Variants in COL23A1 observed in about 807,000 individuals in gnomAD.
COL23A1 encodes collagen type XXIII alpha 1 chain, also known as collagen alpha-1(XXIII) chain.
A neutral mutation model predicts 99.3 loss-of-function variants in COL23A1; 97 were observed. The observed-to-expected ratio is 0.98, with a 90% confidence interval of 0.83 to 1.16. The LOEUF (loss-of-function observed/expected upper bound fraction) is 1.16, where lower values mean the gene tolerates loss of function less well. Ranked by LOEUF, COL23A1 falls within the 50% of genes most tolerant of loss-of-function variation. COL23A1 has a pLI of 0.00. For synonymous variants in COL23A1, 320 were observed against 308.2 expected, an observed-to-expected ratio of 1.04 and a Z score of -0.40; for missense variants, 762 against 757.4, an observed-to-expected ratio of 1.01 and a Z score of -0.07.
intron 2 of COL23A1, among the ~76,000 whole-genome samples, chr5:178,315,762 C>CTTTTT (rs34604670): frequency 1.0e-5 from 1 of 96,730 alleles, no homozygotes; most frequent in Non-Finnish European, 2.0e-5. Flanking sequence ...GAAGCACTGA[C>CTTTTT]TTTTTTTTTT....
At chr5:178,474,598 G>A (rs1439502026) in intron 2 of COL23A1, among the ~76,000 whole-genome samples, 2 of 152,098 alleles carry the variant, frequency 1.3e-5, no homozygotes, top group African/African-American at 4.8e-5. Flanking sequence ...AACTGTAGAG[G>A]AACATGGCAT....
At chr5:178,371,140 TAGAC>T (rs1259284677) in intron 2 of COL23A1, among the ~76,000 whole-genome samples, 1 of 152,228 alleles carries the variant, frequency 6.6e-6, no homozygotes, top group African/African-American at 2.4e-5. Context: ...GCACACCATA[TAGAC>T]AATGTTTGTC....
chr5:178,399,359 A>C (rs1380199830), intron 2 of COL23A1, among the ~76,000 whole-genome samples: 1 of 152,204 alleles, frequency 6.6e-6, no homozygotes, highest in Non-Finnish European at 1.5e-5. Flanking sequence ...GAGACGGAGG[A>C]TCCTGCCAGC....
intron 3 of COL23A1, among the ~76,000 whole-genome samples, chr5:178,302,617 T>G (rs529785083): frequency 9.8e-5 from 15 of 152,350 alleles, no homozygotes; most frequent in African/African-American, 3.1e-4. Context: ...TTAATGGACA[T>G]GTACATAGCT....
At position 178,365,844 on chromosome 5, in the gene COL23A1, C is replaced by T. The variant is rs1198025262; in HGVS notation, c.362-58925G>A. ...GCGCTGGGCACTGGCTTGTGATGGT[C>T]TCCTGGCCACATGGGGAGCTCCTCG... On this transcript the variant is annotated intron_variant, in intron 2 of 28. Coordinates refer to ENST00000390654, the MANE Select transcript of COL23A1 (RefSeq NM_173465.4). The surrounding 1 kb of genome is among the most constrained non-coding windows in gnomAD (Gnocchi z 5.2). Among the ~76,000 whole-genome samples the T allele has an allele frequency of 6.6e-6, 1 of 152,164 alleles. No individual in the cohort carries two copies. Among genetic ancestry groups the T allele is most frequent in the Non-Finnish European group, 1.5e-5 (1 of 68,030 alleles).
At chr5:178,269,028 C>T (rs1756070725) in intron 6 of COL23A1, among the ~76,000 whole-genome samples, 1 of 152,152 alleles carries the variant, frequency 6.6e-6, no homozygotes, top group African/African-American at 2.4e-5. Context: ...GGGGCACATG[C>T]ACTGGCCACT....
intron 2 of COL23A1, among the ~76,000 whole-genome samples, chr5:178,516,474 G>A (rs555715082): frequency 2.3e-4 from 35 of 152,264 alleles, no homozygotes; most frequent in African/African-American, 7.2e-4. Flanking sequence ...TCTGAGCACC[G>A]GTGTGCCTCC....
At chr5:178,284,319 T>C (rs1419394471) in intron 5 of COL23A1, among the ~76,000 whole-genome samples, 5 of 152,252 alleles carry the variant, frequency 3.3e-5, no homozygotes, top group Non-Finnish European at 1.5e-5. Context: ...CTCTGACTAG[T>C]TCTAATTAAA....
At chr5:178,357,695 C>G (rs1761738132) in intron 2 of COL23A1, among the ~76,000 whole-genome samples, 1 of 151,778 alleles carries the variant, frequency 6.6e-6, no homozygotes, top group South Asian at 2.1e-4. Context: ...TGCTTAATGT[C>G]AGGTCAGATT....
At chr5:178,466,881 G>C (rs1380920297) in intron 2 of COL23A1, among the ~76,000 whole-genome samples, 1 of 152,264 alleles carries the variant, frequency 6.6e-6, no homozygotes, top group Non-Finnish European at 1.5e-5. Flanking sequence ...AATGGATACT[G>C]GAGTTAGGAG....
chr5:178,249,969 G>A (rs1413510605), intron 18 of COL23A1, 92 bp downstream of exon 18: 1 of 1,457,876 alleles, frequency 6.9e-7, no homozygotes, highest in East Asian at 2.3e-5. Context: ...CTCTAACTCT[G>A]TGCACACATG....
rs2910110 is a variant in COL23A1 at position 178,365,989 on chromosome 5, G to T, written c.362-59070C>A. 1.3e-3 allele frequency among the ~76,000 whole-genome samples: 202 copies of T among 152,160 alleles called. 2 individuals are homozygous for T. The highest frequency in any genetic ancestry group is 4.4e-3 in the African/African-American group (183 of 41,492). On this transcript the variant is annotated intron_variant, in intron 2 of 28. Coordinates refer to ENST00000390654, the MANE Select transcript of COL23A1 (RefSeq NM_173465.4). The surrounding 1 kb of genome is among the most constrained non-coding windows in gnomAD (Gnocchi z 5.2). ...CAAGCCCCACTCCAGCCCTCCTCAA[G>T]TGGGTCACTCCTCACGGCCTGTGAG...
At chr5:178,519,435 G>C (rs1382119836) in intron 2 of COL23A1, among the ~76,000 whole-genome samples, 1 of 152,270 alleles carries the variant, frequency 6.6e-6, no homozygotes, top group East Asian at 1.9e-4. Flanking sequence ...ACAGCAGGGA[G>C]TATCAGGCTG....
chr5:178,318,638 A>T (rs1013193521), intron 2 of COL23A1, among the ~76,000 whole-genome samples: 6 of 152,228 alleles, frequency 3.9e-5, no homozygotes, highest in Non-Finnish European at 7.3e-5. Context: ...GCGGTGGCTC[A>T]CACCTATAAT....
At chr5:178,489,379 C>T (rs1757806896) in intron 2 of COL23A1, among the ~76,000 whole-genome samples, 1 of 152,204 alleles carries the variant, frequency 6.6e-6, no homozygotes, top group Non-Finnish European at 1.5e-5. Context: ...ACTGTCGGCT[C>T]CCCTGGTTCT....
intron 17 of COL23A1, 76 bp from the exon 18 acceptor site, chr5:178,250,181 A>T: frequency 6.4e-7 from 1 of 1,561,062 alleles, no homozygotes; most frequent in Non-Finnish European, 8.8e-7. Flanking sequence ...GGGCCAGGAC[A>T]CACTGTGCAC....
intron 22 of COL23A1, 109 bp downstream of exon 22, chr5:178,247,417 G>T: frequency 7.8e-7 from 1 of 1,275,528 alleles, no homozygotes; most frequent in African/African-American, 1.5e-5. Flanking sequence ...AAGACTCAGG[G>T]ATGGGCCAGG....
rs2127606512 is a variant in COL23A1 at position 178,308,119 on chromosome 5, G to A, written c.362-1200C>T. Among the ~76,000 whole-genome samples, 1 of 152,182 alleles carries A rather than the reference G, an allele frequency of 6.6e-6. No individual in the cohort carries two copies. The highest frequency in any genetic ancestry group is 2.4e-5 in the African/African-American group (1 of 41,542). On this transcript the variant is annotated intron_variant, in intron 2 of 28. Coordinates refer to ENST00000390654, the MANE Select transcript of COL23A1 (RefSeq NM_173465.4). This position sits in a 1 kb window ranked among gnomAD's most constrained non-coding sequence, Gnocchi z 5.1. ...TGTTTCTGTGTGTGTGTCTGTGTAT[G>A]TATGTTTGTGTCTGTGTGTCCTGTG...
chr5:178,340,351 G>A lies in COL23A1; in HGVS notation c.362-33432C>T, dbSNP rs552550226. ...GAACAGCTTTGCTGGTGGCTCCAGC[G>A]CAGGAGGGGTAGAAGGGGAAATAAA... On this transcript the variant is annotated intron_variant, in intron 2 of 28. Transcript: ENST00000390654. This position sits in a 1 kb window ranked among gnomAD's most constrained non-coding sequence, Gnocchi z 4.7. 2.9e-4 allele frequency among the ~76,000 whole-genome samples: 44 copies of A among 152,334 alleles called. No homozygotes were observed. Among genetic ancestry groups the A allele is most frequent in the African/African-American group, 1.1e-3 (44 of 41,572 alleles).
Sources: gnomAD v4.1 joint callset for allele counts (sites outside exome capture counted in the v4.1 genomes callset) on GRCh38, gnomAD v4.1.1 for gene constraint, Gnocchi (gnomAD v3.1) non-coding constraint, MANE v1.5 for transcripts, NCBI Gene and HGNC (gene_info 2026-07-23, HGNC 2026-07-21) for gene names.